Variants in KNTC1 observed in about 807,000 individuals in gnomAD.
KNTC1 encodes kinetochore associated 1.
In KNTC1, 253 loss-of-function variants were observed where a neutral mutation model predicts 314.4. That is an observed-to-expected ratio of 0.80 (90% CI 0.73 to 0.89). KNTC1 has a LOEUF of 0.89. Among genes scored for constraint, KNTC1 ranks in the 40% least tolerant of loss-of-function variants. The probability of loss-of-function intolerance (pLI) is 0.00; values close to 1 mark genes in which losing one functional copy is unlikely to be tolerated. For missense variants in KNTC1, 2,475 were observed against 2,572.9 expected (o/e 0.96, Z 0.82); for synonymous variants, 901 against 901.4 (o/e 1.00, Z 0.01).
At chr12:122,554,076 A>AATATATAT (rs60404988) in intron 16 of KNTC1, among the ~76,000 whole-genome samples, 1,667 of 108,986 alleles carry the variant, frequency 0.015, 22 homozygotes, top group Non-Finnish European at 0.023. Flanking sequence ...AAAAAAAAAA[A>AATATATAT]ATATATATAT....
intron 36 of KNTC1, 134 bp downstream of exon 36, chr12:122,585,124 A>T: frequency 1.6e-6 from 1 of 615,960 alleles, no homozygotes; most frequent in South Asian, 2.0e-5. Flanking sequence ...TGCAGTCTTG[A>T]ACTGGGCTTA....
chr12:122,617,849 T>A (rs975337102), intron 57 of KNTC1, among the ~76,000 whole-genome samples: 2 of 152,240 alleles, frequency 1.3e-5, no homozygotes, highest in Non-Finnish European at 2.9e-5. Context: ...TATCAGCGCA[T>A]AGCGATTTAT....
At chr12:122,562,808 G>A (rs1964067030) in intron 20 of KNTC1, 109 bp downstream of exon 20, 2 of 644,258 alleles carry the variant, frequency 3.1e-6, no homozygotes, top group Admixed American at 2.4e-5. Context: ...TCAGGAGTTC[G>A]AGACCAGCCT....
At chr12:122,577,352 A>G (rs1289607277) in intron 30 of KNTC1, among the ~76,000 whole-genome samples, 2 of 152,098 alleles carry the variant, frequency 1.3e-5, no homozygotes, top group Non-Finnish European at 2.9e-5. Flanking sequence ...AATTTATTTT[A>G]TTGTTTGCTG....
Position 122,551,387 on chromosome 12 carries a change from G to A in KNTC1, c.1130+25G>A, listed in dbSNP as rs777187908. 12 of 1,586,872 alleles carry A rather than the reference G, an allele frequency of 7.6e-6. No homozygotes were observed. In the African/African-American group the frequency reaches 1.5e-4, roughly 20 times the overall value. On this transcript the variant is annotated intron_variant, in intron 14 of 63. Coordinates refer to ENST00000333479, the MANE Select transcript of KNTC1 (RefSeq NM_014708.6). Reference sequence around the variant, plus strand: ...AGTAGGTCATGTTTTACCGTGTTAAGTAATAGCTATGTTAAATTTTACGTA... The same window carrying A: ...AGTAGGTCATGTTTTACCGTGTTAAATAATAGCTATGTTAAATTTTACGTA...
At chr12:122,599,798 T>C (rs200783912) in intron 44 of KNTC1, among the ~76,000 whole-genome samples, 3 of 152,350 alleles carry the variant, frequency 2.0e-5, no homozygotes, top group East Asian at 3.8e-4. Flanking sequence ...ACGCGACTTT[T>C]GTTGGCATTT....
intron 44 of KNTC1, among the ~76,000 whole-genome samples, chr12:122,600,024 T>A (rs1275601369): frequency 6.6e-5 from 10 of 151,874 alleles, no homozygotes; most frequent in African/African-American, 2.2e-4. Context: ...GTGTCAAAAA[T>A]AAAAAGGAAA....
chr12:122,562,766 T>G, intron 20 of KNTC1, 67 bp downstream of exon 20: 2 of 943,808 alleles, frequency 2.1e-6, no homozygotes, highest in Non-Finnish European at 1.7e-6. Flanking sequence ...TCCCAGCACT[T>G]TGGGAGGCTG....
intron 44 of KNTC1, among the ~76,000 whole-genome samples, chr12:122,600,203 G>A (rs903949040): frequency 6.6e-6 from 1 of 151,940 alleles, no homozygotes; most frequent in Non-Finnish European, 1.5e-5. Context: ...GGGTTCAAGC[G>A]ATTCTCCTGC....
chr12:122,576,947 C>T lies in KNTC1; in HGVS notation c.2639C>T (p.Ala880Val). The T allele has an allele frequency of 1.3e-6, 2 of 1,597,918 alleles. No individual in the cohort carries two copies. Among genetic ancestry groups the T allele is most frequent in the South Asian group, 2.3e-5 (2 of 88,864 alleles). Reference sequence around the variant, plus strand: ...GATGTCCCATCTTCTTTAGAAGATGCTTTAAAGGTAGCCCAAGCGTTTATG... The same window carrying T: ...GATGTCCCATCTTCTTTAGAAGATGTTTTAAAGGTAGCCCAAGCGTTTATG... ...KQDVPSSLEDALKVAQAFMLS... is the reference protein window; with the variant it reads ...KQDVPSSLEDVLKVAQAFMLS... Residue 880 changes from alanine to valine, a missense_variant, in exon 30 of 64, where the codon GCT becomes GTT. Coordinates refer to ENST00000333479, the MANE Select transcript of KNTC1 (RefSeq NM_014708.6).
intron 13 of KNTC1, among the ~76,000 whole-genome samples, chr12:122,550,935 T>C (rs1413790784): frequency 6.6e-6 from 1 of 152,222 alleles, no homozygotes; most frequent in Non-Finnish European, 1.5e-5. Context: ...GCACAAATAC[T>C]GCACAGGTAA....
chr12:122,587,715 T>C lies in KNTC1; in HGVS notation c.3735T>C (p.Asp1245=). 1.2e-6 allele frequency: 2 copies of C among 1,610,640 alleles called. No individual in the cohort carries two copies. The highest frequency in any genetic ancestry group is 1.1e-5 in the South Asian group (1 of 90,404). ...SLPYCSLNEG[D]GLVLPVINSI... Reference sequence around the variant, plus strand: ...AAATCCTTTATCACTCTGCAGGAGATGGCCTTGTTTTACCTGTTATAAATT... The same window carrying C: ...AAATCCTTTATCACTCTGCAGGAGACGGCCTTGTTTTACCTGTTATAAATT... Residue 1245 remains aspartate (D), a synonymous_variant, in exon 39 of 64, where the codon GAT becomes GAC. Transcript: ENST00000333479.
rs1308774845 is a variant in KNTC1 at position 122,609,437 on chromosome 12, TTTTCC to T, written c.5543+11_5543+15del. ...AAGATGAAGCCCTACGAAGGTACTC[TTTTCC>T]TTTACTTATATTCACCTATATCGTG... On this transcript the variant is annotated splice_region_variant and intron_variant, in intron 52 of 63. Coordinates refer to ENST00000333479, the MANE Select transcript of KNTC1 (RefSeq NM_014708.6). The T allele has an allele frequency of 6.5e-7, 1 of 1,538,942 alleles. No homozygotes were observed. Among genetic ancestry groups the T allele is most frequent in the South Asian group, 1.2e-5 (1 of 83,768 alleles).
At chr12:122,554,076 A>AAAAAAATATATATATAT (rs370146333) in intron 16 of KNTC1, among the ~76,000 whole-genome samples, 7 of 109,056 alleles carry the variant, frequency 6.4e-5, no homozygotes, top group African/African-American at 2.3e-4. Context: ...AAAAAAAAAA[A>AAAAAAATATATATATAT]ATATATATAT....
At chr12:122,541,534 A>T (rs1310206893) in intron 5 of KNTC1, among the ~76,000 whole-genome samples, 1 of 150,888 alleles carries the variant, frequency 6.6e-6, no homozygotes, top group Non-Finnish European at 1.5e-5. Context: ...TTTAGTAGAG[A>T]CGGGGTTTCA....
At chr12:122,542,921 A>G (rs1207012144) in intron 6 of KNTC1, among the ~76,000 whole-genome samples, 1 of 151,944 alleles carries the variant, frequency 6.6e-6, no homozygotes, top group Non-Finnish European at 1.5e-5. Context: ...TTATTTATTT[A>G]TTTATTTTTG....
intron 62 of KNTC1, 114 bp downstream of exon 62, chr12:122,622,721 G>C: frequency 1.2e-6 from 1 of 808,574 alleles, no homozygotes; most frequent in South Asian, 2.1e-5. Flanking sequence ...AGCTGAGGTG[G>C]GTGGATCACC....
At chr12:122,599,835 A>G (rs1348784171) in intron 44 of KNTC1, among the ~76,000 whole-genome samples, 2 of 152,118 alleles carry the variant, frequency 1.3e-5, no homozygotes, top group Non-Finnish European at 2.9e-5. Context: ...TGGGGAACAT[A>G]GTAAGAATTT....
In KNTC1 at chr12:122,542,064, C is replaced by A; in HGVS notation, c.460C>A (p.Leu154Ile). The A allele has an allele frequency of 6.5e-7, 1 of 1,540,758 alleles. No homozygotes were observed. Among genetic ancestry groups the A allele is most frequent in the African/African-American group, 1.4e-5 (1 of 73,372 alleles). Residue 154 changes from leucine (L) to isoleucine (I), a missense_variant, in exon 6 of 64, where the codon CTA becomes ATA. Coordinates refer to ENST00000333479, the MANE Select transcript of KNTC1 (RefSeq NM_014708.6). The stretch of plus-strand genomic sequence containing the variant: ...TATTTCAATAGGTACCTATTATATG[C>A]TACTTCTTACATACAGTGGATTTTT... The part of the protein sequence containing the change: ...DGSNEGTYYM[L>I]LLTYSGFFCI...
Sources: allele counts gnomAD v4.1 joint callset (sites outside exome capture counted in the v4.1 genomes callset), GRCh38; gene constraint gnomAD v4.1.1; transcripts MANE v1.5; gene names NCBI Gene and HGNC (gene_info 2026-07-23, HGNC 2026-07-21).